Variants in GALNT13 observed in about 807,000 individuals in gnomAD.
The protein encoded by GALNT13 is UDP-GalNAc:polypeptide N-acetylgalactosaminyltransferase 13.
A neutral mutation model predicts 64.2 loss-of-function variants in GALNT13; 28 were observed. The ratio of observed to expected loss-of-function variants is 0.44; its 90% CI spans 0.32 to 0.60. The LOEUF is 0.60. Ranked by LOEUF, GALNT13 falls within the 20% of genes least tolerant of loss-of-function variation. GALNT13 has a pLI of 0.05. For synonymous variants in GALNT13, 214 were observed against 224.6 expected, an observed-to-expected ratio of 0.95 and a Z score of 0.42; for missense variants, 577 against 669.8, an observed-to-expected ratio of 0.86 and a Z score of 1.53.
chr2:153,442,929 G>T, the GALNT13 span, among the ~76,000 whole-genome samples: 2 of 152,168 alleles, frequency 1.3e-5, no homozygotes, highest in African/African-American at 4.8e-5. Context: ...GTTGACTTCA[G>T]ACTGCTGTGC....
the GALNT13 span, among the ~76,000 whole-genome samples, chr2:153,369,350 A>G: frequency 1.3e-5 from 2 of 152,156 alleles, no homozygotes; most frequent in Non-Finnish European, 2.9e-5. Flanking sequence ...AAGAGGAAAA[A>G]AATCGATGAA....
At chr2:153,068,377 C>CAATT in the GALNT13 span, among the ~76,000 whole-genome samples, 1 of 152,122 alleles carries the variant, frequency 6.6e-6, no homozygotes. Context: ...GCCAAGGCTT[C>CAATT]AATTATTATT....
chr2:153,609,173 C>CTCAAGTGAT, the GALNT13 span, among the ~76,000 whole-genome samples: 5 of 151,994 alleles, frequency 3.3e-5, no homozygotes, highest in Middle Eastern at 3.4e-3. Flanking sequence ...AACTTGTGAG[C>CTCAAGTGAT]CTGCCTCAGC....
the GALNT13 span, among the ~76,000 whole-genome samples, chr2:153,737,365 AT>A: frequency 6.6e-6 from 1 of 151,368 alleles, no homozygotes; most frequent in Admixed American, 6.6e-5. Flanking sequence ...CCTGTCTTGT[AT>A]ATATTTATTG....
chr2:153,347,291 G>T, the GALNT13 span, among the ~76,000 whole-genome samples: 11 of 152,158 alleles, frequency 7.2e-5, no homozygotes, highest in Non-Finnish European at 1.5e-4. Flanking sequence ...AGAGGAAGAG[G>T]GATCAGGCAG....
intron 3 of GALNT13, among the ~76,000 whole-genome samples, chr2:154,052,734 C>CTTTT (rs548779869): frequency 1.6e-5 from 2 of 123,132 alleles, no homozygotes; most frequent in African/African-American, 3.0e-5. Flanking sequence ...ACAGAATTGA[C>CTTTT]TTTTTTTTTT....
the GALNT13 span, among the ~76,000 whole-genome samples, chr2:153,158,572 T>C: frequency 1.3e-5 from 2 of 152,114 alleles, no homozygotes; most frequent in African/African-American, 4.8e-5. Context: ...CAGATGCAAA[T>C]TTATTGTCTA....
the GALNT13 span, among the ~76,000 whole-genome samples, chr2:153,826,103 T>G: frequency 6.6e-6 from 1 of 152,250 alleles, no homozygotes; most frequent in African/African-American, 2.4e-5. Context: ...AATTTATTTT[T>G]TATACTTCTG....
At chr2:153,566,913 A>G in the GALNT13 span, among the ~76,000 whole-genome samples, 1 of 152,214 alleles carries the variant, frequency 6.6e-6, no homozygotes, top group African/African-American at 2.4e-5. Context: ...TGTTATCCAC[A>G]TTTTAAGGAA....
At chr2:154,404,880 T>C (rs2105381549) in intron 10 of GALNT13, among the ~76,000 whole-genome samples, 1 of 152,082 alleles carries the variant, frequency 6.6e-6, no homozygotes, top group Admixed American at 6.6e-5. Context: ...GTGTTCCATA[T>C]TTGTGAAAAT....
the GALNT13 span, among the ~76,000 whole-genome samples, chr2:153,512,136 T>C: frequency 6.6e-6 from 1 of 151,996 alleles, no homozygotes; most frequent in Non-Finnish European, 1.5e-5. Flanking sequence ...ATGAGGACAT[T>C]GAAACCACTA....
chr2:153,444,155 C>A, the GALNT13 span, among the ~76,000 whole-genome samples: 67 of 152,254 alleles, frequency 4.4e-4, no homozygotes, highest in East Asian at 0.013. Context: ...ATCTACCTAT[C>A]TATCATCTAT....
chr2:154,349,743 TA>T (rs1696284423), intron 9 of GALNT13, among the ~76,000 whole-genome samples: 1 of 152,316 alleles, frequency 6.6e-6, no homozygotes, highest in East Asian at 1.9e-4. Context: ...TCCAAGCCAG[TA>T]AACAGACTTA....
At chr2:153,075,078 A>C in the GALNT13 span, among the ~76,000 whole-genome samples, 3 of 152,182 alleles carry the variant, frequency 2.0e-5, no homozygotes, top group Non-Finnish European at 4.4e-5. Flanking sequence ...GAGAACATCA[A>C]GTAGGTTTCT....
At chr2:153,378,127 G>A in the GALNT13 span, among the ~76,000 whole-genome samples, 1 of 152,016 alleles carries the variant, frequency 6.6e-6, no homozygotes, top group Non-Finnish European at 1.5e-5. Flanking sequence ...TCTGTGACAT[G>A]GAGTAATTAA....
rs929144656 is a variant in GALNT13, at chr2:154,319,674, G to A, written c.1156+18085G>A. On this transcript the variant is annotated intron_variant, in intron 9 of 12. Transcript: ENST00000392825. ...AGCAAGACTCTGAAAAAAAAAAAAA[G>A]AAAAATATTTCTTAATAATGTGATC... 2.6e-3 allele frequency among the ~76,000 whole-genome samples: 385 copies of A among 147,150 alleles called. 1 individual carries two copies. Among genetic ancestry groups the A allele is most frequent in the South Asian group, 5.0e-3 (23 of 4,640 alleles).
chr2:153,771,743 T>A, the GALNT13 span, among the ~76,000 whole-genome samples: 2 of 152,122 alleles, frequency 1.3e-5, no homozygotes, highest in African/African-American at 4.8e-5. Flanking sequence ...CGGAGAGGAC[T>A]CCAGTGCCCC....
At chr2:153,697,488 T>C in the GALNT13 span, among the ~76,000 whole-genome samples, 2 of 151,944 alleles carry the variant, frequency 1.3e-5, no homozygotes, top group African/African-American at 2.4e-5. Flanking sequence ...CTCCATTGGC[T>C]GAGAAAAAAA....
chr2:154,290,197 A>T (rs548114812), intron 8 of GALNT13, among the ~76,000 whole-genome samples: 2 of 152,174 alleles, frequency 1.3e-5, no homozygotes, highest in East Asian at 3.9e-4. Context: ...TGGAAGTCTC[A>T]CACCCTCCTA....
Sources: gnomAD v4.1 joint callset for allele counts (sites outside exome capture counted in the v4.1 genomes callset) on GRCh38, gnomAD v4.1.1 for gene constraint, MANE v1.5 for transcripts, NCBI Gene and HGNC (gene_info 2026-07-23, HGNC 2026-07-21) for gene names.